LRIG3: variants seen among roughly 807,000 people sequenced by gnomAD.
LRIG3 encodes leucine-rich repeats and immunoglobulin-like domains protein 3.
LRIG3 carries 76 observed loss-of-function variants against 114.5 expected under a neutral mutation model. That is an observed-to-expected ratio of 0.66 (90% CI 0.55 to 0.80). The LOEUF (loss-of-function observed/expected upper bound fraction) is 0.80, where lower values mean the gene tolerates loss of function less well. Ranked by LOEUF, LRIG3 falls within the 30% of genes least tolerant of loss-of-function variation. The pLI is 0.00. For synonymous variants in LRIG3, 512 were observed against 519.8 expected, an observed-to-expected ratio of 0.98 and a Z score of 0.20; for missense variants, 1,239 against 1,382.8, an observed-to-expected ratio of 0.90 and a Z score of 1.65.
In LRIG3 at chr12:58,890,691, T is replaced by A. The variant is rs188547843; in HGVS notation, c.489A>T (p.Ala163=). Reference sequence around the variant, plus strand: ...GATATTTGAGCTGTAGGGCTGGAAATGCAGTTTGGAGCTCTGAAATATTGT... The same window carrying A: ...GATATTTGAGCTGTAGGGCTGGAAAAGCAGTTTGGAGCTCTGAAATATTGT... ...SSNNISELQT[A]FPALQLKYLY... is the part of the protein sequence containing the mutation. The change falls in exon 4 of 19, where the codon GCA becomes GCT. Residue 163 remains alanine, a synonymous_variant. Coordinates refer to ENST00000320743, the MANE Select transcript of LRIG3 (RefSeq NM_153377.5). The A allele has an allele frequency of 7.5e-6, 12 of 1,603,566 alleles. No individual in the cohort carries two copies. Among genetic ancestry groups the A allele is most frequent in the Non-Finnish European group, 8.5e-6 (10 of 1,175,960 alleles).
At chr12:58,911,325 C>A (rs1250036828) in intron 3 of LRIG3, among the ~76,000 whole-genome samples, 1 of 152,156 alleles carries the variant, frequency 6.6e-6, no homozygotes, top group Non-Finnish European at 1.5e-5. Context: ...AGACAAAAGT[C>A]TCACCAGGAC....
At chr12:58,878,251 G>A (rs1003616589) in intron 14 of LRIG3, among the ~76,000 whole-genome samples, 3 of 152,034 alleles carry the variant, frequency 2.0e-5, no homozygotes, top group Admixed American at 6.6e-5. Context: ...TTTTAGGGCC[G>A]GATGCCTGGG....
chr12:58,891,632 C>T (rs1278000624), intron 3 of LRIG3, among the ~76,000 whole-genome samples: 4 of 151,960 alleles, frequency 2.6e-5, no homozygotes, highest in Non-Finnish European at 5.9e-5. Context: ...AGAGAGATCC[C>T]CTTTTCTTTA....
chr12:58,907,656 C>G (rs1466198730), intron 3 of LRIG3, among the ~76,000 whole-genome samples: 1 of 152,190 alleles, frequency 6.6e-6, no homozygotes, highest in East Asian at 1.9e-4. Context: ...GGGCAGACAT[C>G]TTAGACTGTT....
At chr12:58,891,618 T>C (rs1871457953) in intron 3 of LRIG3, among the ~76,000 whole-genome samples, 1 of 152,128 alleles carries the variant, frequency 6.6e-6, no homozygotes, top group Admixed American at 6.5e-5. Context: ...TCTAGAACCA[T>C]GCTAGAGAGA....
At chr12:58,895,593 G>A (rs1385090588) in intron 3 of LRIG3, among the ~76,000 whole-genome samples, 2 of 152,152 alleles carry the variant, frequency 1.3e-5, no homozygotes, top group Non-Finnish European at 2.9e-5. Flanking sequence ...GTCAAGTTGG[G>A]CCCTGGAAAC....
intron 3 of LRIG3, among the ~76,000 whole-genome samples, chr12:58,902,769 T>C (rs527916898): frequency 1.5e-5 from 2 of 133,754 alleles, no homozygotes; most frequent in South Asian, 5.2e-4. Flanking sequence ...CCTTCCTGTG[T>C]CCATGTGTTC....
At chr12:58,890,167 CCTT>C in intron 4 of LRIG3, 28 bp from the exon 5 acceptor site, 1 of 1,607,398 alleles carries the variant, frequency 6.2e-7, no homozygotes, top group Non-Finnish European at 8.5e-7. Flanking sequence ...ATGAGCTTCT[CCTT>C]CTGATTTATT....
intron 7 of LRIG3, 60 bp from the exon 8 acceptor site, chr12:58,887,992 T>A: frequency 6.6e-7 from 1 of 1,524,100 alleles, no homozygotes; most frequent in Non-Finnish European, 9.0e-7. Flanking sequence ...CAATGATTTG[T>A]TTTCCAAAAG....
Position 58,877,689 on chromosome 12 carries a change from A to G in LRIG3, c.2247T>C (p.Asn749=). 6.2e-7 allele frequency: 1 copy of G among 1,614,112 alleles called. No homozygotes were observed. Among genetic ancestry groups the G allele is most frequent in the Admixed American group, 1.7e-5 (1 of 60,020 alleles). ...VTERHFFAAG[N]QLLIIVDSDV... is the part of the protein sequence containing the mutation. ...CTGAGTCCACAATAATCAGAAGCTG[A>G]TTGCCTGCTGCAAAAAAGTGCCTCT... Residue 749 remains asparagine (N), a synonymous_variant, in exon 15 of 19, where the codon AAT becomes AAC. Coordinates refer to ENST00000320743, the MANE Select transcript of LRIG3 (RefSeq NM_153377.5).
intron 3 of LRIG3, among the ~76,000 whole-genome samples, chr12:58,909,686 T>C (rs904558154): frequency 4.6e-5 from 7 of 152,220 alleles, no homozygotes; most frequent in African/African-American, 1.7e-4. Context: ...GACATCAGCA[T>C]TATTCTCATT....
At chr12:58,897,649 A>T (rs190940487) in intron 3 of LRIG3, among the ~76,000 whole-genome samples, 46 of 152,268 alleles carry the variant, frequency 3.0e-4, no homozygotes, top group Admixed American at 2.9e-3. Context: ...CACATACAAA[A>T]CAGCCCTTCT....
chr12:58,919,133 A>G (rs1872580479), intron 1 of LRIG3, among the ~76,000 whole-genome samples: 1 of 152,212 alleles, frequency 6.6e-6, no homozygotes, highest in East Asian at 1.9e-4. Context: ...CAGCACTCCA[A>G]TTTTAAAACT....
At chr12:58,877,966 T>C (rs1214046175) in intron 14 of LRIG3, 114 bp from the exon 15 acceptor site, 3 of 1,015,082 alleles carry the variant, frequency 3.0e-6, no homozygotes, top group Non-Finnish European at 4.2e-6. Context: ...CTCCCACAAC[T>C]TACTGGACAC....
chr12:58,889,626 T>C (rs1871385660), intron 5 of LRIG3, among the ~76,000 whole-genome samples: 2 of 152,074 alleles, frequency 1.3e-5, no homozygotes, highest in Non-Finnish European at 2.9e-5. Flanking sequence ...ACAAGACAGA[T>C]CTTTACAGCC....
chr12:58,895,233 G>T (rs1871598394), intron 3 of LRIG3, among the ~76,000 whole-genome samples: 1 of 152,186 alleles, frequency 6.6e-6, no homozygotes, highest in Non-Finnish European at 1.5e-5. Flanking sequence ...AAAGTCTAGT[G>T]GGGAGGATAG....
Position 58,890,081 on chromosome 12 carries a change from T to C in LRIG3, c.574A>G (p.Asn192Asp). 1 of 1,613,960 alleles carries C rather than the reference T, an allele frequency of 6.2e-7. No homozygotes were observed. The highest frequency in any genetic ancestry group is 1.1e-5 in the South Asian group (1 of 91,058). The part of the protein sequence containing the change: ...MEPGYFDNLA[N>D]TLLVLKLNRN... Reference sequence around the variant, plus strand: ...TTCAGCTTTAACACAAGGAGTGTGTTGGCCAAATTGTCAAAATACCCAGGT... The same window carrying C: ...TTCAGCTTTAACACAAGGAGTGTGTCGGCCAAATTGTCAAAATACCCAGGT... Residue 192 changes from asparagine (N) to aspartate (D), a missense_variant, in exon 5 of 19, where the codon AAC (asparagine) becomes GAC (aspartate). Transcript: ENST00000320743.
In LRIG3 at chr12:58,874,281, A is replaced by T; in HGVS notation, c.2889T>A (p.Ser963Arg). Residue 963 changes from serine to arginine, a missense_variant, in exon 18 of 19, where the codon AGT (serine) becomes AGA (arginine). Transcript: ENST00000320743. Reference sequence around the variant, plus strand: ...GGTAGCACTCCTTTTTCTTTATGTAACTGGGCTCATAGTGGTCCATTAAAA... The same window carrying T: ...GGTAGCACTCCTTTTTCTTTATGTATCTGGGCTCATAGTGGTCCATTAAAA... ...RTVLMDHYEP[S>R]YIKKKECYPC... 3 of 1,613,968 alleles carry T rather than the reference A, an allele frequency of 1.9e-6. No individual in the cohort carries two copies. Among genetic ancestry groups the T allele is most frequent in the Non-Finnish European group, 2.5e-6 (3 of 1,179,962 alleles).
chr12:58,889,739 A>G lies in LRIG3; in HGVS notation c.659+257T>C, dbSNP rs185715862. On this transcript the variant is annotated intron_variant, in intron 5 of 18. Transcript: ENST00000320743. ...AGTGCCACAATGGCACTTTTGTACCAGCCTTGTTCAATGATTACACTGTTC... is the reference window on the plus strand; with the variant it reads ...AGTGCCACAATGGCACTTTTGTACCGGCCTTGTTCAATGATTACACTGTTC... 1.9e-4 allele frequency among the ~76,000 whole-genome samples: 29 copies of G among 152,106 alleles called. No homozygotes were observed. In the East Asian group the frequency reaches 4.3e-3, roughly 22 times the overall value.
Sources: gnomAD v4.1 joint callset for allele counts (sites outside exome capture counted in the v4.1 genomes callset) on GRCh38, gnomAD v4.1.1 for gene constraint, MANE v1.5 for transcripts, NCBI Gene and HGNC (gene_info 2026-07-23, HGNC 2026-07-21) for gene names.